The following CNTN6 variants were observed in gnomAD, a reference collection of about 807,000 sequenced individuals.
CNTN6 encodes contactin-6.
In CNTN6, 137 loss-of-function variants were observed where a neutral mutation model predicts 122.8. The ratio of observed to expected loss-of-function variants is 1.12; its 90% CI spans 0.97 to 1.29. CNTN6 has a LOEUF of 1.29. CNTN6 is among the 50% of genes most tolerant of loss of function. The probability of loss-of-function intolerance (pLI) is 0.00; values close to 1 mark genes in which losing one functional copy is unlikely to be tolerated. For missense variants in CNTN6, 1,634 were observed against 1,223.4 expected, an observed-to-expected ratio of 1.34 and a Z score of -5.01; for synonymous variants, 570 against 426.0, an observed-to-expected ratio of 1.34 and a Z score of -4.16.
At chr3:1,233,734 C>CAAAAAAAAAAAAAA (rs1166507455) in intron 4 of CNTN6, among the ~76,000 whole-genome samples, 8 of 52,154 alleles carry the variant, frequency 1.5e-4, no homozygotes, top group African/African-American at 6.9e-4. Flanking sequence ...GACTCTGTCT[C>CAAAAAAAAAAAAAA]AAAAAAAAAA....
intron 4 of CNTN6, among the ~76,000 whole-genome samples, chr3:1,257,032 C>A (rs1051134057): frequency 6.6e-6 from 1 of 152,078 alleles, no homozygotes; most frequent in Admixed American, 6.6e-5. Flanking sequence ...ACATCAATCC[C>A]TCTTGATATT....
intron 5 of CNTN6, among the ~76,000 whole-genome samples, chr3:1,287,526 C>G (rs1694554983): frequency 6.6e-6 from 1 of 152,060 alleles, no homozygotes; most frequent in African/African-American, 2.4e-5. Flanking sequence ...CTTGGTCTCC[C>G]TAAGAATTGG....
At chr3:1,099,795 A>C (rs2124946504) in intron 1 of CNTN6, among the ~76,000 whole-genome samples, 1 of 152,252 alleles carries the variant, frequency 6.6e-6, no homozygotes, top group East Asian at 1.9e-4. Context: ...ATTCAACCAA[A>C]GTGTTTTTTA....
rs928055372 is a variant in CNTN6, at chr3:1,329,178, AAC to A, written c.1214-601_1214-600del. Among the ~76,000 whole-genome samples, 5 of 151,082 alleles carry A rather than the reference AAC, an allele frequency of 3.3e-5. No homozygotes were observed. In the Admixed American group the frequency reaches 3.3e-4, roughly 10 times the overall value. On this transcript the variant is annotated intron_variant, in intron 10 of 22. Coordinates refer to ENST00000446702, the MANE Select transcript of CNTN6 (RefSeq NM_001289080.2). Reference sequence around the variant, plus strand: ...TTATATACATATATAATAAATCAGAAACACACATACATATATACATGTATGCA... The same window carrying A: ...TTATATACATATATAATAAATCAGAAACACATACATATATACATGTATGCA...
chr3:1,369,383 T>G (rs1418793572), intron 12 of CNTN6, among the ~76,000 whole-genome samples: 4 of 12,566 alleles, frequency 3.2e-4, no homozygotes, highest in East Asian at 2.7e-3. Flanking sequence ...TGCTGCGGGT[T>G]TTTTTTTTTT....
chr3:1,315,704 T>G (rs930587982), intron 7 of CNTN6, among the ~76,000 whole-genome samples: 1 of 151,968 alleles, frequency 6.6e-6, no homozygotes, highest in Non-Finnish European at 1.5e-5. Context: ...TGGTACTAGA[T>G]GATTAACCAC....
chr3:1,180,664 C>G (rs1178495637), intron 2 of CNTN6, among the ~76,000 whole-genome samples: 1 of 152,182 alleles, frequency 6.6e-6, no homozygotes, highest in African/African-American at 2.4e-5. Flanking sequence ...TAAATGCAAG[C>G]TTATTCATTT....
At chr3:1,342,410 G>A (rs1417543435) in intron 11 of CNTN6, among the ~76,000 whole-genome samples, 1 of 152,162 alleles carries the variant, frequency 6.6e-6, no homozygotes, top group Non-Finnish European at 1.5e-5. Context: ...TTAAAGGTGT[G>A]AGCCACCCTG....
At chr3:1,284,744 A>G (rs891689113) in intron 5 of CNTN6, among the ~76,000 whole-genome samples, 4 of 152,196 alleles carry the variant, frequency 2.6e-5, no homozygotes, top group African/African-American at 7.2e-5. Flanking sequence ...AAGGTAAAAG[A>G]AGGTTTCACT....
chr3:1,400,013 T>TA (rs1450337928), intron 20 of CNTN6, among the ~76,000 whole-genome samples: 1 of 152,102 alleles, frequency 6.6e-6, no homozygotes, highest in African/African-American at 2.4e-5. Flanking sequence ...GAATGTATGG[T>TA]AATATATTTG....
chr3:1,296,539 T>G (rs1279979841), intron 6 of CNTN6, among the ~76,000 whole-genome samples: 1 of 152,160 alleles, frequency 6.6e-6, no homozygotes, highest in Non-Finnish European at 1.5e-5. Context: ...TTGGTGCATT[T>G]TATGATTGTA....
intron 2 of CNTN6, among the ~76,000 whole-genome samples, chr3:1,160,644 T>C (rs930775695): frequency 6.7e-5 from 10 of 148,314 alleles, no homozygotes; most frequent in African/African-American, 1.2e-4. Flanking sequence ...GTATCACCAA[T>C]GTAGTCATAA....
chr3:1,387,475 C>CCAAT (rs531709063), intron 20 of CNTN6, among the ~76,000 whole-genome samples: 62 of 152,284 alleles, frequency 4.1e-4, no homozygotes, highest in African/African-American at 1.4e-3. Context: ...ATGAAAATCT[C>CCAAT]CAATCAATCA....
chr3:1,290,585 G>T (rs1225783019), intron 5 of CNTN6, among the ~76,000 whole-genome samples: 1 of 152,200 alleles, frequency 6.6e-6, no homozygotes, highest in Non-Finnish European at 1.5e-5. Context: ...AAAGAATTCA[G>T]GGCGTGCCCA....
At chr3:1,129,788 G>A (rs1385851862) in intron 1 of CNTN6, among the ~76,000 whole-genome samples, 1 of 151,998 alleles carries the variant, frequency 6.6e-6, no homozygotes, top group Non-Finnish European at 1.5e-5. Context: ...ATGAATTTAA[G>A]TATGAATTTC....
rs1221705832 is a variant in CNTN6, at chr3:1,119,346, T to TGTGTGTGTGTGTGTGTGTGTGTGTGC, written c.-83+26233_-83+26234insTGTGTGTGTGTGTGTGTGCGTGTGTG. Among the ~76,000 whole-genome samples the TGTGTGTGTGTGTGTGTGTGTGTGTGC allele has an allele frequency of 2.0e-5, 3 of 151,372 alleles. 1 individual carries two copies. Among genetic ancestry groups the TGTGTGTGTGTGTGTGTGTGTGTGTGC allele is most frequent in the Non-Finnish European group, 4.4e-5 (3 of 67,802 alleles). On this transcript the variant is annotated intron_variant, in intron 1 of 22. Coordinates refer to ENST00000446702, the MANE Select transcript of CNTN6 (RefSeq NM_001289080.2). ...TCGTGTGTGTGTGTGTGTGTGTGTGTGTGTGTGGAGAATGTCTCTTTGGCC... is the reference window on the plus strand; with the variant it reads ...TCGTGTGTGTGTGTGTGTGTGTGTGTGTGTGTGTGTGTGTGTGTGTGTGTGCGTGTGTGGAGAATGTCTCTTTGGCC...
chr3:1,308,551 T>C (rs1698729344), intron 7 of CNTN6, among the ~76,000 whole-genome samples: 1 of 152,034 alleles, frequency 6.6e-6, no homozygotes, highest in Non-Finnish European at 1.5e-5. Flanking sequence ...GTGTCTATAC[T>C]AATTATTATG....
At position 1,156,609 on chromosome 3, in the gene CNTN6, T is replaced by TC. The variant is rs1278076549; in HGVS notation, c.55+8546_55+8547insC. Among the ~76,000 whole-genome samples, 99 of 149,350 alleles carry TC rather than the reference T, an allele frequency of 6.6e-4. No individual in the cohort carries two copies. In the South Asian group the frequency reaches 0.01, roughly 15 times the overall value. Reference sequence around the variant, plus strand: ...GTCTCAGACTTTCTTTCTTTCTTTCTTTTTCTTTTCTTTCTTTCTTTCTCT... The same window carrying TC: ...GTCTCAGACTTTCTTTCTTTCTTTCTCTTTTCTTTTCTTTCTTTCTTTCTCT... On this transcript the variant is annotated intron_variant, in intron 2 of 22. Transcript: ENST00000446702.
At chr3:1,180,572 A>G (rs771760850) in intron 2 of CNTN6, among the ~76,000 whole-genome samples, 2 of 152,272 alleles carry the variant, frequency 1.3e-5, no homozygotes, top group Non-Finnish European at 2.9e-5. Context: ...TAGAATAGAA[A>G]TGCTTTTGCA....
Sources: allele counts gnomAD v4.1 joint callset (sites outside exome capture counted in the v4.1 genomes callset), GRCh38; gene constraint gnomAD v4.1.1; transcripts MANE v1.5; gene names NCBI Gene and HGNC (gene_info 2026-07-23, HGNC 2026-07-21).